The following ARB2A variants were observed in gnomAD, a reference collection of about 807,000 sequenced individuals.
The protein encoded by ARB2A is cotranscriptional regulator ARB2A.
chr5:93,843,511 C>T, the ARB2A span, among the ~76,000 whole-genome samples: 1 of 149,662 alleles, frequency 6.7e-6, no homozygotes, highest in African/African-American at 2.5e-5. Context: ...GAAGCCTTGA[C>T]CTCCCGGGCT....
At chr5:93,945,118 G>A in the ARB2A span, among the ~76,000 whole-genome samples, 1 of 152,226 alleles carries the variant, frequency 6.6e-6, no homozygotes, top group Non-Finnish European at 1.5e-5. Flanking sequence ...GGCCAACACT[G>A]TAAGAGACAA....
At chr5:93,640,584 G>A in the ARB2A span, among the ~76,000 whole-genome samples, 1 of 149,690 alleles carries the variant, frequency 6.7e-6, no homozygotes, top group African/African-American at 2.5e-5. Context: ...ATGTGTGTGT[G>A]TGTGTGTGTG....
At chr5:93,949,518 G>A in the ARB2A span, among the ~76,000 whole-genome samples, 4 of 151,940 alleles carry the variant, frequency 2.6e-5, no homozygotes, top group African/African-American at 7.3e-5. Flanking sequence ...CCGAGATCAC[G>A]CCACTGCACT....
At chr5:94,027,528 A>G in the ARB2A span, among the ~76,000 whole-genome samples, 1 of 152,180 alleles carries the variant, frequency 6.6e-6, no homozygotes, top group Non-Finnish European at 1.5e-5. Context: ...ACTTCTGAAT[A>G]GTTAAATAAG....
At chr5:93,924,138 G>A in the ARB2A span, among the ~76,000 whole-genome samples, 2 of 152,026 alleles carry the variant, frequency 1.3e-5, no homozygotes, top group Non-Finnish European at 2.9e-5. Flanking sequence ...AGAGAACCTC[G>A]ATTATTCTAC....
chr5:93,978,398 A>C, the ARB2A span, among the ~76,000 whole-genome samples: 5 of 152,294 alleles, frequency 3.3e-5, no homozygotes, highest in South Asian at 4.1e-4. Context: ...GAATAAAGAA[A>C]ATGTGGTACA....
chr5:93,865,174 C>T, the ARB2A span, among the ~76,000 whole-genome samples: 45 of 152,210 alleles, frequency 3.0e-4, no homozygotes, highest in East Asian at 3.9e-3. Flanking sequence ...CTCTGCGTCC[C>T]GGGTTCTCGC....
the ARB2A span, among the ~76,000 whole-genome samples, chr5:93,679,068 A>G: frequency 2.0e-4 from 30 of 152,344 alleles, no homozygotes; most frequent in Middle Eastern, 3.4e-3. Flanking sequence ...ATTTCTAAAA[A>G]ATGAAAATAA....
chr5:93,902,755 C>T, the ARB2A span, among the ~76,000 whole-genome samples: 1 of 152,070 alleles, frequency 6.6e-6, no homozygotes, highest in Non-Finnish European at 1.5e-5. Context: ...TGATTAGCTA[C>T]TCTTTTCTTC....
At chr5:93,675,103 T>G in the ARB2A span, among the ~76,000 whole-genome samples, 2 of 152,216 alleles carry the variant, frequency 1.3e-5, no homozygotes, top group African/African-American at 2.4e-5. Context: ...TACTGAATGC[T>G]AATTAAAGGA....
At chr5:93,768,022 A>AT in the ARB2A span, among the ~76,000 whole-genome samples, 1 of 148,378 alleles carries the variant, frequency 6.7e-6, no homozygotes, top group African/African-American at 2.5e-5. Flanking sequence ...AAAAAAAAAA[A>AT]AGGAATGAAT....
the ARB2A span, among the ~76,000 whole-genome samples, chr5:94,093,300 G>A: frequency 1.1e-3 from 164 of 151,990 alleles, 2 homozygotes; most frequent in African/African-American, 3.8e-3. Context: ...CTGCTTGAGC[G>A]GCCATACAAA....
the ARB2A span, among the ~76,000 whole-genome samples, chr5:93,883,835 C>T: frequency 0.03 from 4,506 of 150,440 alleles, 203 homozygotes; most frequent in African/African-American, 0.1. Flanking sequence ...GATTCTGTAC[C>T]GTGAGTAAGT....
the ARB2A span, among the ~76,000 whole-genome samples, chr5:93,847,126 C>T: frequency 1.3e-5 from 2 of 152,160 alleles, no homozygotes; most frequent in Admixed American, 1.3e-4. Flanking sequence ...ACTTTCTCTG[C>T]TCATCTGTAA....
At chr5:94,043,279 A>G in the ARB2A span, among the ~76,000 whole-genome samples, 1 of 152,168 alleles carries the variant, frequency 6.6e-6, no homozygotes, top group Non-Finnish European at 1.5e-5. Flanking sequence ...TGCTTGAAAC[A>G]CTGCTGATCT....
At chr5:93,620,749 A>C in the ARB2A span, 4 of 417,816 alleles carry the variant, frequency 9.6e-6, no homozygotes, top group Non-Finnish European at 1.2e-5. Context: ...GTGAGCGCTG[A>C]CTGGCAGCGC....
the ARB2A span, among the ~76,000 whole-genome samples, chr5:93,676,867 A>G: frequency 2.6e-5 from 4 of 152,250 alleles, no homozygotes; most frequent in South Asian, 2.1e-4. Context: ...TTGGTGCTCA[A>G]TGACTGCTTG....
the ARB2A span, among the ~76,000 whole-genome samples, chr5:93,905,843 A>C: frequency 6.6e-6 from 1 of 151,612 alleles, no homozygotes; most frequent in African/African-American, 2.4e-5. Flanking sequence ...TGCAAGTAAC[A>C]TTCTTTGCAA....
the ARB2A span, among the ~76,000 whole-genome samples, chr5:93,908,329 C>A: frequency 1.3e-5 from 2 of 150,668 alleles, no homozygotes; most frequent in African/African-American, 2.4e-5. Flanking sequence ...AAATGACACA[C>A]ACAAAATATA....
Sources: gnomAD v4.1 joint callset for allele counts (sites outside exome capture counted in the v4.1 genomes callset) on GRCh38, gnomAD v4.1.1 for gene constraint, MANE v1.5 for transcripts, NCBI Gene and HGNC (gene_info 2026-07-23, HGNC 2026-07-21) for gene names.